HAUS6: variants seen among roughly 807,000 people sequenced by gnomAD.
HAUS6 encodes HAUS augmin-like complex subunit 6.
HAUS6 carries 80 observed loss-of-function variants against 106.8 expected under a neutral mutation model. The observed-to-expected ratio is 0.75, with a 90% CI of 0.63 to 0.90. The LOEUF (loss-of-function observed/expected upper bound fraction) is 0.90, where lower values mean the gene tolerates loss of function less well. Ranked by LOEUF, HAUS6 falls within the 40% of genes least tolerant of loss-of-function variation. HAUS6 has a pLI of 0.00. For missense variants in HAUS6, 1,155 were observed against 1,118.1 expected (o/e 1.03, Z -0.47); for synonymous variants, 356 against 379.1 (o/e 0.94, Z 0.71).
At chr9:19,095,512 A>AC (rs1357102279) in intron 2 of HAUS6, among the ~76,000 whole-genome samples, 2 of 151,960 alleles carry the variant, frequency 1.3e-5, no homozygotes, top group African/African-American at 4.8e-5. Flanking sequence ...AGCAAAAAAA[A>AC]AAAAAAATTA....
intron 4 of HAUS6, among the ~76,000 whole-genome samples, chr9:19,091,634 A>G (rs12341699): frequency 0.12 from 18,260 of 152,062 alleles, 1,771 homozygotes; most frequent in African/African-American, 0.27. Context: ...AGCCTGGGCA[A>G]CATAGGGAGA....
intron 4 of HAUS6, among the ~76,000 whole-genome samples, chr9:19,091,014 G>C (rs1425257636): frequency 1.3e-5 from 2 of 151,978 alleles, no homozygotes; most frequent in African/African-American, 4.8e-5. Flanking sequence ...GAAACCACCA[G>C]AATTGGCCGG....
chr9:19,061,394 G>A (rs1836615781), intron 14 of HAUS6, among the ~76,000 whole-genome samples: 1 of 152,118 alleles, frequency 6.6e-6, no homozygotes. Context: ...ATCAGAAAAT[G>A]TGTTTTTCCT....
At chr9:19,088,979 A>G (rs1017175741) in intron 5 of HAUS6, among the ~76,000 whole-genome samples, 1 of 152,186 alleles carries the variant, frequency 6.6e-6, no homozygotes, top group Non-Finnish European at 1.5e-5. Flanking sequence ...ACAGTGGCTC[A>G]TGTCTGTAAT....
intron 1 of HAUS6, 61 bp from the exon 2 acceptor site, chr9:19,096,830 CA>C: frequency 1.3e-6 from 1 of 768,578 alleles, no homozygotes; most frequent in South Asian, 1.8e-5. Context: ...TAAACATCAT[CA>C]AAAGCTGAGT....
chr9:19,055,442 T>A lies in HAUS6; in HGVS notation c.*901A>T, dbSNP rs1411731324. 6.6e-6 allele frequency: 1 copy of A among 152,226 alleles called. No individual in the cohort carries two copies. The highest frequency in any genetic ancestry group is 1.5e-5 in the Non-Finnish European group (1 of 68,042). The allele number at this position is 152,226 out of a possible 1,614,324, so 9.4% of individuals were successfully genotyped here. ...CAGTTTTCTCAAGTTACTGTGAGGC[T>A]ATTCTGTAGGGACTGGGGGATTCTG... On this transcript the variant is annotated 3_prime_UTR_variant, in exon 17 of 17. Coordinates refer to ENST00000380502, the MANE Select transcript of HAUS6 (RefSeq NM_017645.5).
In HAUS6 at chr9:19,080,682, CAGG is replaced by C. The variant is rs746969481; in HGVS notation, c.871-13_871-11del. 28 of 1,557,482 alleles carry C rather than the reference CAGG, an allele frequency of 1.8e-5. No homozygotes were observed. The highest frequency in any genetic ancestry group is 2.3e-5 in the Non-Finnish European group (26 of 1,140,262). The stretch of plus-strand genomic sequence containing the variant: ...CATTTCCTATGTGCAACTAAGGAAT[CAGG>C]AGGAGAAAAAAATTGGTGAACTATA... On this transcript the variant is annotated splice_polypyrimidine_tract_variant and intron_variant, in intron 8 of 16. Transcript: ENST00000380502.
intron 1 of HAUS6, among the ~76,000 whole-genome samples, chr9:19,099,370 G>A (rs1817939364): frequency 6.6e-6 from 1 of 152,116 alleles, no homozygotes; most frequent in East Asian, 1.9e-4. Context: ...GTTTCACCGT[G>A]TTAGCTAGGA....
intron 12 of HAUS6, among the ~76,000 whole-genome samples, chr9:19,066,708 T>C (rs1403829553): frequency 1.3e-5 from 2 of 150,026 alleles, no homozygotes; most frequent in African/African-American, 4.9e-5. Flanking sequence ...GAACCAGAAA[T>C]GGAAGCCAGG....
chr9:19,086,166 C>G (rs946244461), intron 7 of HAUS6, among the ~76,000 whole-genome samples: 1 of 151,696 alleles, frequency 6.6e-6, no homozygotes, highest in African/African-American at 2.4e-5. Context: ...CAAAAATCAG[C>G]TGCACATATT....
At chr9:19,086,854 T>A in intron 6 of HAUS6, 72 bp from the exon 7 acceptor site, 2 of 710,866 alleles carry the variant, frequency 2.8e-6, no homozygotes, top group Middle Eastern at 3.6e-4. Context: ...AAGAGCTAAT[T>A]AGTCTGCAAA....
chr9:19,075,928 C>T (rs907404374), intron 11 of HAUS6, among the ~76,000 whole-genome samples: 1 of 150,266 alleles, frequency 6.7e-6, no homozygotes, highest in Non-Finnish European at 1.5e-5. Flanking sequence ...CACTGCACTC[C>T]AGCCTGGGCA....
Position 19,063,648 on chromosome 9 carries a change from A to G in HAUS6, c.1377-68T>C, listed in dbSNP as rs374812535. ...AGAATTCCATTCCCTTTACGAGTCT[A>G]TTCTAAAATCTGTCTGCCCCGTATC... On this transcript the variant is annotated intron_variant, in intron 12 of 16. Coordinates refer to ENST00000380502, the MANE Select transcript of HAUS6 (RefSeq NM_017645.5). 2.9e-5 allele frequency: 31 copies of G among 1,058,238 alleles called. No individual in the cohort carries two copies. In the African/African-American group the frequency reaches 4.8e-4, roughly 16 times the overall value. The allele number at this position is 1,058,238 out of a possible 1,614,324, so 65.6% of individuals were successfully genotyped here.
Position 19,096,598 on chromosome 9 carries a change from T to C in HAUS6, c.224+76A>G, listed in dbSNP as rs16937324. 7.2e-3 allele frequency: 3,854 copies of C among 536,732 alleles called. 136 individuals are homozygous for C. In the East Asian group the frequency reaches 0.078, roughly 11 times the overall value. The allele number at this position is 536,732 out of a possible 1,614,324, so 33.2% of individuals were successfully genotyped here. On this transcript the variant is annotated intron_variant, in intron 2 of 16. Transcript: ENST00000380502. ...AAAAAAAAAAAAAAAAAGGAGAGAA[T>C]TCTGGCTTGTATCAAAACGCTGTCC...
At chr9:19,064,599 G>A (rs1836718374) in intron 12 of HAUS6, among the ~76,000 whole-genome samples, 1 of 152,136 alleles carries the variant, frequency 6.6e-6, no homozygotes. Context: ...TATAAGACAG[G>A]ATTATCAAAG....
chr9:19,089,426 A>G lies in HAUS6; in HGVS notation c.570T>C (p.Tyr190=), dbSNP rs764625071. 24 of 1,608,448 alleles carry G rather than the reference A, an allele frequency of 1.5e-5. No individual in the cohort carries two copies. Among genetic ancestry groups the G allele is most frequent in the Non-Finnish European group, 2.0e-5 (23 of 1,174,996 alleles). ...LQRQDCVTQK[Y]QENAQLSVKQ... is the part of the protein sequence containing the mutation. Reference sequence around the variant, plus strand: ...GTACTACTTACTGTGCATTTTCCTGATATTTTTGGGTAACACAATCTTGTC... The same window carrying G: ...GTACTACTTACTGTGCATTTTCCTGGTATTTTTGGGTAACACAATCTTGTC... Residue 190 remains tyrosine, a synonymous_variant, in exon 5 of 17, where the codon TAT becomes TAC. Coordinates refer to ENST00000380502, the MANE Select transcript of HAUS6 (RefSeq NM_017645.5).
At chr9:19,084,038 C>T (rs1837225853) in intron 7 of HAUS6, among the ~76,000 whole-genome samples, 1 of 143,484 alleles carries the variant, frequency 7.0e-6, no homozygotes, top group Non-Finnish European at 1.5e-5. Flanking sequence ...ATCCCTTAAG[C>T]CCAGGATCCT....
rs1836445411 is a variant in HAUS6, at chr9:19,055,324, C to T, written c.*1019G>A. On this transcript the variant is annotated 3_prime_UTR_variant, in exon 17 of 17. Coordinates refer to ENST00000380502, the MANE Select transcript of HAUS6 (RefSeq NM_017645.5). Reference sequence around the variant, plus strand: ...CACAGAGGGCAATAGTATGTGTTCACTTGGATGCTAGACACAAGTCTTTTT... The same window carrying T: ...CACAGAGGGCAATAGTATGTGTTCATTTGGATGCTAGACACAAGTCTTTTT... 6.6e-6 allele frequency: 1 copy of T among 152,196 alleles called. No individual in the cohort carries two copies. The highest frequency in any genetic ancestry group is 1.5e-5 in the Non-Finnish European group (1 of 68,062). 9.4% of individuals were successfully genotyped at this position (152,196 alleles called of 1,614,324 possible).
At chr9:19,059,855 A>G (rs932586365) in intron 15 of HAUS6, among the ~76,000 whole-genome samples, 1 of 152,192 alleles carries the variant, frequency 6.6e-6, no homozygotes, top group Non-Finnish European at 1.5e-5. Flanking sequence ...GTATAACAAC[A>G]AAGACAAAAT....
Sources: allele counts gnomAD v4.1 joint callset (sites outside exome capture counted in the v4.1 genomes callset), GRCh38; gene constraint gnomAD v4.1.1; transcripts MANE v1.5; gene names NCBI Gene and HGNC (gene_info 2026-07-23, HGNC 2026-07-21).